SYNGR1: variants seen among roughly 807,000 people sequenced by gnomAD.
SYNGR1 encodes synaptogyrin 1, also known as synaptogyrin-1.
In SYNGR1, 14 loss-of-function variants were observed where a neutral mutation model predicts 26.1. The observed-to-expected ratio is 0.54, with a 90% CI of 0.35 to 0.84. The LOEUF (loss-of-function observed/expected upper bound fraction) is 0.84, where lower values mean the gene tolerates loss of function less well. Ranked by LOEUF, SYNGR1 falls within the 40% of genes least tolerant of loss-of-function variation. The pLI is 0.01. For synonymous variants in SYNGR1, 141 were observed against 150.1 expected (o/e 0.94, Z 0.44); for missense variants, 319 against 332.9 (o/e 0.96, Z 0.33).
rs1468734698 is a variant in SYNGR1 at position 39,365,829 on chromosome 22, CT to C, written c.100-8482del. 1.1e-3 allele frequency among the ~76,000 whole-genome samples: 168 copies of C among 151,654 alleles called. 1 individual carries two copies. Among genetic ancestry groups the C allele is most frequent in the African/African-American group, 3.9e-3 (163 of 41,346 alleles). On this transcript the variant is annotated intron_variant, in intron 1 of 3. Coordinates refer to ENST00000328933, the MANE Select transcript of SYNGR1 (RefSeq NM_004711.5). The stretch of plus-strand genomic sequence containing the variant: ...CCCACGACTTCCTCCCCCATCTGCT[CT>C]TTTTCTTTTTTTTTTCTTTTTCACA...
intron 3 of SYNGR1, chr22:39,378,069 G>A (rs1925366315): frequency 1.7e-5 from 20 of 1,183,236 alleles, no homozygotes; most frequent in Non-Finnish European, 1.7e-5. Context: ...GCCTAGAGGC[G>A]TTCATGGTCC....
intron 1 of SYNGR1, among the ~76,000 whole-genome samples, chr22:39,359,941 T>C (rs1924388024): frequency 6.6e-6 from 1 of 152,054 alleles, no homozygotes; most frequent in African/African-American, 2.4e-5. Flanking sequence ...TCCTTGGGCC[T>C]GGGGCCTCTG....
chr22:39,365,206 A>T (rs1924681713), intron 1 of SYNGR1, among the ~76,000 whole-genome samples: 1 of 152,016 alleles, frequency 6.6e-6, no homozygotes, highest in Non-Finnish European at 1.5e-5. Flanking sequence ...CCAGTGTGGA[A>T]TTTCATTCTG....
intron 1 of SYNGR1, among the ~76,000 whole-genome samples, chr22:39,361,237 G>A (rs1444808525): frequency 6.6e-6 from 1 of 152,110 alleles, no homozygotes; most frequent in Non-Finnish European, 1.5e-5. Context: ...TTTCCCTGAT[G>A]ACCTGGAATT....
chr22:39,361,356 CT>C (rs71326762), intron 1 of SYNGR1, among the ~76,000 whole-genome samples: 1,791 of 122,296 alleles, frequency 0.015, 27 homozygotes, highest in African/African-American at 0.049. Context: ...TAACCCTGCC[CT>C]TTTTTTTTTT....
At chr22:39,351,942 C>T (rs1396130323) in intron 1 of SYNGR1, among the ~76,000 whole-genome samples, 2 of 152,144 alleles carry the variant, frequency 1.3e-5, no homozygotes, top group African/African-American at 4.8e-5. Context: ...GGGGAGAGGA[C>T]GTGGAAAGCA....
At chr22:39,369,515 C>T (rs990885587) in intron 1 of SYNGR1, among the ~76,000 whole-genome samples, 4 of 152,186 alleles carry the variant, frequency 2.6e-5, no homozygotes, top group African/African-American at 9.7e-5. Context: ...TCCCTTGGGT[C>T]TCTGGGAGTA....
chr22:39,360,980 C>G (rs4821887), intron 1 of SYNGR1, among the ~76,000 whole-genome samples: 1 of 152,138 alleles, frequency 6.6e-6, no homozygotes, highest in Admixed American at 6.5e-5. Flanking sequence ...TATGGATGGA[C>G]GTGGCGGGAA....
intron 3 of SYNGR1, among the ~76,000 whole-genome samples, chr22:39,380,494 A>G (rs543925044): frequency 2.0e-5 from 3 of 152,030 alleles, no homozygotes; most frequent in East Asian, 3.9e-4. Context: ...GGCTCAGGCA[A>G]TCCTCCCACC....
rs545176527 is a variant in SYNGR1 at position 39,384,500 on chromosome 22, G to C, written c.*2586G>C. On this transcript the variant is annotated 3_prime_UTR_variant, in exon 4 of 4. Coordinates refer to ENST00000328933, the MANE Select transcript of SYNGR1 (RefSeq NM_004711.5). ...CTCTGGCAGGGACCTGCCCAGGATG[G>C]AGATGAGAGAGGGTGAGAGATGGAG... 7.5e-6 allele frequency: 3 copies of C among 398,836 alleles called. No individual in the cohort carries two copies. Among genetic ancestry groups the C allele is most frequent in the Non-Finnish European group, 1.3e-5 (3 of 226,158 alleles). 24.7% of individuals were successfully genotyped at this position (398,836 alleles called of 1,614,324 possible).
intron 1 of SYNGR1, among the ~76,000 whole-genome samples, chr22:39,358,078 C>G (rs1028922871): frequency 6.6e-6 from 1 of 152,148 alleles, no homozygotes; most frequent in African/African-American, 2.4e-5. Flanking sequence ...CTGGTGGGGA[C>G]GTGGAGAGTC....
At chr22:39,357,016 G>T (rs1379754356) in intron 1 of SYNGR1, among the ~76,000 whole-genome samples, 2 of 152,162 alleles carry the variant, frequency 1.3e-5, no homozygotes, top group Non-Finnish European at 2.9e-5. Flanking sequence ...CCAGCACTTT[G>T]GGAGGCCAAG....
rs562046458 is a variant in SYNGR1 at position 39,375,653 on chromosome 22, CAG to C, written c.338-398_338-397del. On this transcript the variant is annotated intron_variant, in intron 2 of 3. Coordinates refer to ENST00000328933, the MANE Select transcript of SYNGR1 (RefSeq NM_004711.5). The stretch of plus-strand genomic sequence containing the variant: ...TTCCTGCCTGCAGAGTTGCAGGCAT[CAG>C]GGGTGGACCGGGGGGGCCCACGTCA... 995 of 545,310 alleles carry C rather than the reference CAG, an allele frequency of 1.8e-3. 1 individual carries two copies. Among genetic ancestry groups the C allele is most frequent in the Non-Finnish European group, 2.5e-3 (774 of 308,024 alleles). 33.8% of individuals were successfully genotyped at this position (545,310 alleles called of 1,614,324 possible). A position where few individuals can be genotyped will look rare whatever the true frequency, so the allele number is the denominator to read the frequency against.
intron 1 of SYNGR1, among the ~76,000 whole-genome samples, chr22:39,351,254 C>G (rs548710599): frequency 3.3e-5 from 5 of 152,340 alleles, no homozygotes; most frequent in Admixed American, 3.3e-4. Flanking sequence ...CCAAGGCCAG[C>G]TGTGACCTCA....
At chr22:39,364,703 C>T (rs1165286025) in intron 1 of SYNGR1, among the ~76,000 whole-genome samples, 1 of 152,120 alleles carries the variant, frequency 6.6e-6, no homozygotes, top group East Asian at 1.9e-4. Context: ...CCTGAGGACA[C>T]CACCCACTCT....
At chr22:39,372,436 C>CTA in intron 1 of SYNGR1, among the ~76,000 whole-genome samples, 1 of 116,222 alleles carries the variant, frequency 8.6e-6, no homozygotes, top group African/African-American at 3.8e-5. Flanking sequence ...CCACGCCCAG[C>CTA]TCTTTTTTTT....
At chr22:39,352,467 G>A (rs1206205834) in intron 1 of SYNGR1, among the ~76,000 whole-genome samples, 1 of 152,208 alleles carries the variant, frequency 6.6e-6, no homozygotes, top group African/African-American at 2.4e-5. Flanking sequence ...TGTTACGTGT[G>A]TTTTACCACA....
chr22:39,364,079 C>A, intron 1 of SYNGR1: 1 of 1,566,762 alleles, frequency 6.4e-7, no homozygotes, highest in Non-Finnish European at 8.7e-7. Flanking sequence ...CCTAGGCACA[C>A]CCTGGGTGGT....
At chr22:39,352,767 G>T (rs75495319) in intron 1 of SYNGR1, among the ~76,000 whole-genome samples, 2,794 of 152,208 alleles carry the variant, frequency 0.018, 87 homozygotes, top group African/African-American at 0.063. Context: ...GACAAACAGG[G>T]ACAATTTGTC....
Sources: gnomAD v4.1 joint callset for allele counts (sites outside exome capture counted in the v4.1 genomes callset) on GRCh38, gnomAD v4.1.1 for gene constraint, MANE v1.5 for transcripts, NCBI Gene and HGNC (gene_info 2026-07-23, HGNC 2026-07-21) for gene names.